The following PIK3CA variants were observed in gnomAD, a reference collection of about 807,000 sequenced individuals.
PIK3CA encodes the protein phosphatidylinositol 4,5-bisphosphate 3-kinase catalytic subunit alpha isoform.
PIK3CA carries 27 observed loss-of-function variants against 138.2 expected under a neutral mutation model. The observed-to-expected ratio is 0.20, with a 90% confidence interval of 0.14 to 0.27. PIK3CA has a LOEUF of 0.27. Among genes scored for constraint, PIK3CA ranks in the 10% least tolerant of loss-of-function variants. The pLI is 1.00. For synonymous variants in PIK3CA, 358 were observed against 413.2 expected, an observed-to-expected ratio of 0.87 and a Z score of 1.62; for missense variants, 544 against 1,277.4, an observed-to-expected ratio of 0.43 and a Z score of 8.75.
chr3:179,224,202 G>T lies in PIK3CA; in HGVS notation c.2294+15G>T. 1 of 1,245,162 alleles carries T rather than the reference G, an allele frequency of 8.0e-7. No homozygotes were observed. Among genetic ancestry groups the T allele is most frequent in the Non-Finnish European group, 1.2e-6 (1 of 866,782 alleles). 77.1% of individuals were successfully genotyped at this position (1,245,162 alleles called of 1,614,324 possible). Reference sequence around the variant, plus strand: ...GGAAACCTCAGGTACTTTCTTGGGGGTTTCATTGATATATTTAAATAAATA... The same window carrying T: ...GGAAACCTCAGGTACTTTCTTGGGGTTTTCATTGATATATTTAAATAAATA... On this transcript the variant is annotated intron_variant, in intron 15 of 20. Coordinates refer to ENST00000263967, the MANE Select transcript of PIK3CA (RefSeq NM_006218.4).
At chr3:179,163,818 G>A (rs1338584778) in intron 1 of PIK3CA, among the ~76,000 whole-genome samples, 3 of 151,824 alleles carry the variant, frequency 2.0e-5, no homozygotes, top group Non-Finnish European at 2.9e-5. Flanking sequence ...GTTAGCAGAA[G>A]TATTTTTCTA....
chr3:179,149,273 C>T (rs371610131), intron 1 of PIK3CA, among the ~76,000 whole-genome samples: 7 of 152,104 alleles, frequency 4.6e-5, no homozygotes, highest in African/African-American at 1.7e-4. Flanking sequence ...TGTCTCTTTA[C>T]TAAGTGTATT....
rs57113337 is a variant in PIK3CA at position 179,207,774 on chromosome 3, C to A, written c.1146-1821C>A. Among the ~76,000 whole-genome samples, 344 of 152,206 alleles carry A rather than the reference C, an allele frequency of 2.3e-3. 2 individuals are homozygous for A. In the East Asian group the frequency reaches 0.045, roughly 20 times the overall value. ...ACCTCAGGTGATCCGTCCACCTTGG[C>A]CTCCCAAAGTGCTGGGATTACAGGT... On this transcript the variant is annotated intron_variant, in intron 6 of 20. Coordinates refer to ENST00000263967, the MANE Select transcript of PIK3CA (RefSeq NM_006218.4).
At chr3:179,164,285 T>C (rs1236861121) in intron 1 of PIK3CA, among the ~76,000 whole-genome samples, 1 of 152,206 alleles carries the variant, frequency 6.6e-6, no homozygotes, top group East Asian at 1.9e-4. Flanking sequence ...TGTGCACCGC[T>C]ATATTTCCGA....
intron 9 of PIK3CA, 81 bp downstream of exon 9, chr3:179,210,646 C>T (rs1314045639): frequency 7.2e-7 from 1 of 1,387,376 alleles, no homozygotes; most frequent in African/African-American, 1.4e-5. Context: ...GAAAAGGATC[C>T]ATATATTTTA....
At chr3:179,182,679 AGG>A (rs1723879390) in intron 1 of PIK3CA, among the ~76,000 whole-genome samples, 1 of 152,218 alleles carries the variant, frequency 6.6e-6, no homozygotes, top group East Asian at 1.9e-4. Context: ...TCAAAAAAAA[AGG>A]GTAATATTCT....
rs1725406525 is a variant in PIK3CA at position 179,239,895 on chromosome 3, T to G, written c.*5531T>G. On this transcript the variant is annotated 3_prime_UTR_variant, in exon 21 of 21. Transcript: ENST00000263967. ...AGCATTTGACACAGCAAGATGCATG[T>G]GTTACTATATTGAGAATATAGAATA... 1.4e-6 allele frequency: 1 copy of G among 695,308 alleles called. No homozygotes were observed. The highest frequency in any genetic ancestry group is 2.9e-5 in the East Asian group (1 of 34,628). The allele number at this position is 695,308 out of a possible 1,614,324, so 43.1% of individuals were successfully genotyped here.
intron 20 of PIK3CA, among the ~76,000 whole-genome samples, chr3:179,233,841 C>T (rs1725270416): frequency 6.6e-6 from 1 of 152,160 alleles, no homozygotes; most frequent in Non-Finnish European, 1.5e-5. Context: ...ACTTATTAAA[C>T]TCCTGACATG....
At chr3:179,179,943 G>T (rs1172618467) in intron 1 of PIK3CA, among the ~76,000 whole-genome samples, 4 of 152,098 alleles carry the variant, frequency 2.6e-5, no homozygotes, top group African/African-American at 9.7e-5. Flanking sequence ...ATGTGAATAT[G>T]AGGTAAAAGA....
chr3:179,150,501 TA>T (rs1478852748), intron 1 of PIK3CA, among the ~76,000 whole-genome samples: 1 of 152,246 alleles, frequency 6.6e-6, no homozygotes, highest in Non-Finnish European at 1.5e-5. Context: ...TATTTAAGGT[TA>T]AAAAAATTTA....
At chr3:179,173,848 T>A (rs1289561914) in intron 1 of PIK3CA, among the ~76,000 whole-genome samples, 1 of 151,758 alleles carries the variant, frequency 6.6e-6, no homozygotes, top group Non-Finnish European at 1.5e-5. Flanking sequence ...TGCCTCAGCC[T>A]CCCAAGTAGC....
chr3:179,192,164 G>T (rs1434869696), intron 1 of PIK3CA, among the ~76,000 whole-genome samples: 1 of 152,126 alleles, frequency 6.6e-6, no homozygotes, highest in Non-Finnish European at 1.5e-5. Flanking sequence ...ATTTTGAGAT[G>T]AATATTAGCA....
chr3:179,156,086 G>A (rs947757792), intron 1 of PIK3CA, among the ~76,000 whole-genome samples: 5 of 152,122 alleles, frequency 3.3e-5, no homozygotes, highest in Non-Finnish European at 7.4e-5. Context: ...AGACAGTCTA[G>A]CTCAGTTTGT....
chr3:179,167,141 A>G (rs971076387), intron 1 of PIK3CA, among the ~76,000 whole-genome samples: 6 of 152,144 alleles, frequency 3.9e-5, no homozygotes, highest in African/African-American at 9.6e-5. Flanking sequence ...ATAAAAAGCA[A>G]TTATCTACAA....
rs145064930 is a variant in PIK3CA at position 179,162,107 on chromosome 3, A to AT, written c.-77+13508dup. On this transcript the variant is annotated intron_variant, in intron 1 of 20. Coordinates refer to ENST00000263967, the MANE Select transcript of PIK3CA (RefSeq NM_006218.4). ...TATATCACCTTGTACAGAAATATAC[A>AT]TTTTATCTCTGTATAAAACATACAG... 4.6e-4 allele frequency among the ~76,000 whole-genome samples: 70 copies of AT among 152,266 alleles called. No individual in the cohort carries two copies. In the East Asian group the frequency reaches 0.011, roughly 24 times the overall value.
At chr3:179,217,432 C>T (rs116367233) in intron 9 of PIK3CA, among the ~76,000 whole-genome samples, 4,571 of 152,052 alleles carry the variant, frequency 0.03, 97 homozygotes, top group South Asian at 0.067. Flanking sequence ...AAATATGTGC[C>T]GGTAATATTT....
At chr3:179,170,076 G>GCACACA (rs60084117) in intron 1 of PIK3CA, among the ~76,000 whole-genome samples, 4,786 of 139,236 alleles carry the variant, frequency 0.034, 93 homozygotes, top group East Asian at 0.072. Context: ...ACGCGCGCGC[G>GCACACA]CACACACACA....
At chr3:179,171,980 C>T (rs2108362980) in intron 1 of PIK3CA, among the ~76,000 whole-genome samples, 1 of 151,928 alleles carries the variant, frequency 6.6e-6, no homozygotes, top group South Asian at 2.1e-4. Flanking sequence ...ACACAAAAAT[C>T]CTTAGCAAAA....
At chr3:179,180,997 G>C (rs113457056) in intron 1 of PIK3CA, among the ~76,000 whole-genome samples, 1 of 152,060 alleles carries the variant, frequency 6.6e-6, no homozygotes, top group African/African-American at 2.4e-5. Flanking sequence ...GAAGAGAAAG[G>C]TCGGAGAGAG....
Sources: allele counts gnomAD v4.1 joint callset (sites outside exome capture counted in the v4.1 genomes callset), GRCh38; gene constraint gnomAD v4.1.1; transcripts MANE v1.5; gene names NCBI Gene and HGNC (gene_info 2026-07-23, HGNC 2026-07-21).